CCDC91: variants seen among roughly 807,000 people sequenced by gnomAD.
The protein encoded by CCDC91 is coiled-coil domain containing 91.
Under a neutral mutation model 63.2 loss-of-function variants are expected in CCDC91, and 48 were observed. The observed-to-expected ratio is 0.76, with a 90% CI of 0.60 to 0.97. The LOEUF (loss-of-function observed/expected upper bound fraction) is 0.97. Ranked by LOEUF, CCDC91 falls within the 50% of genes least tolerant of loss-of-function variation. The pLI, the probability that CCDC91 is intolerant of heterozygous loss-of-function variation, is 0.00. For missense variants in CCDC91, 500 were observed against 494.6 expected (o/e 1.01, Z -0.10); for synonymous variants, 167 against 165.8 (o/e 1.01, Z -0.06).
chr12:28,340,980 G>A, intron 6 of CCDC91, among the ~76,000 whole-genome samples: 1 of 152,142 alleles, frequency 6.6e-6, no homozygotes, highest in Non-Finnish European at 1.5e-5. Context: ...AGCCAGAAGG[G>A]AGATGGAGTG....
At chr12:28,539,055 G>T (rs1314713681) in intron 12 of CCDC91, among the ~76,000 whole-genome samples, 2 of 152,084 alleles carry the variant, frequency 1.3e-5, no homozygotes, top group Non-Finnish European at 2.9e-5. Flanking sequence ...CATTCTGTAG[G>T]TTGCCTGTTC....
At chr12:28,235,801 A>AT (rs527486416) in intron 1 of CCDC91, among the ~76,000 whole-genome samples, 50 of 146,176 alleles carry the variant, frequency 3.4e-4, no homozygotes, top group East Asian at 1.2e-3. Flanking sequence ...ATTTATAAGT[A>AT]TTTTTTTTTT....
chr12:28,220,234 G>A (rs1031892238), intron 1 of CCDC91, among the ~76,000 whole-genome samples: 2 of 151,664 alleles, frequency 1.3e-5, no homozygotes, highest in African/African-American at 2.4e-5. Context: ...ATTTTAGACC[G>A]ATTATGGACT....
intron 6 of CCDC91, among the ~76,000 whole-genome samples, chr12:28,351,669 A>C (rs1359144909): frequency 1.4e-5 from 2 of 147,480 alleles, no homozygotes; most frequent in African/African-American, 2.5e-5. Context: ...ACCTCAGGTC[A>C]TTCCTCCTTT....
At chr12:28,513,218 A>G (rs1430158693) in intron 12 of CCDC91, among the ~76,000 whole-genome samples, 2 of 151,936 alleles carry the variant, frequency 1.3e-5, no homozygotes, top group African/African-American at 4.8e-5. Flanking sequence ...TTGAGTATTC[A>G]TAATATTGCT....
intron 1 of CCDC91, among the ~76,000 whole-genome samples, chr12:28,215,549 CTA>C (rs1468456771): frequency 1.3e-5 from 2 of 152,066 alleles, no homozygotes; most frequent in Admixed American, 1.3e-4. Flanking sequence ...ACCACTGTAT[CTA>C]TTAAGAAGAG....
chr12:28,333,454 G>A (rs1230527294), intron 6 of CCDC91, among the ~76,000 whole-genome samples: 1 of 150,262 alleles, frequency 6.7e-6, no homozygotes, highest in East Asian at 1.9e-4. Flanking sequence ...CTTTGTGCAT[G>A]TCCACAAATG....
Position 28,450,224 on chromosome 12 carries a change from G to A in CCDC91, c.826G>A (p.Ala276Thr). The change falls in exon 9 of 13, where the codon GCT becomes ACT. Residue 276 changes from alanine to threonine, a missense_variant. By Grantham distance (58) the Ala-to-Thr change is moderately conservative (BLOSUM62 0). Coordinates refer to ENST00000536442, the MANE Select transcript of CCDC91 (RefSeq NM_018318.5). ...ACTGTTAAAAGAAAAAATAAAGGAA[G>A]CTTTGATTCAGCAATCTCAAGAACA... ...KELLKEKIKEALIQQSQEQKE... is the reference protein window; with the variant it reads ...KELLKEKIKETLIQQSQEQKE... The A allele has an allele frequency of 6.2e-7, 1 of 1,610,080 alleles. No homozygotes were observed. The highest frequency in any genetic ancestry group is 8.5e-7 in the Non-Finnish European group (1 of 1,177,362).
intron 12 of CCDC91, among the ~76,000 whole-genome samples, chr12:28,513,634 A>C (rs1373071069): frequency 7.2e-5 from 11 of 151,878 alleles, no homozygotes; most frequent in Non-Finnish European, 1.3e-4. Context: ...TTGTACTCAT[A>C]TGCATGAAAG....
chr12:28,218,463 T>TAA (rs201289898), intron 1 of CCDC91, among the ~76,000 whole-genome samples: 2 of 95,860 alleles, frequency 2.1e-5, no homozygotes, highest in African/African-American at 3.6e-5. Flanking sequence ...AAGACAAAAT[T>TAA]AAAAAAAAAA....
chr12:28,342,421 T>C (rs1942495456), intron 6 of CCDC91, among the ~76,000 whole-genome samples: 1 of 152,142 alleles, frequency 6.6e-6, no homozygotes, highest in South Asian at 2.1e-4. Flanking sequence ...CAGTGGCCAG[T>C]TGTGGCATAG....
chr12:28,306,365 A>T (rs1250110094), intron 4 of CCDC91, among the ~76,000 whole-genome samples: 1 of 152,088 alleles, frequency 6.6e-6, no homozygotes, highest in Non-Finnish European at 1.5e-5. Flanking sequence ...TAAATTTCAG[A>T]GTTTGATTTA....
chr12:28,307,500 A>G (rs1418642596), intron 5 of CCDC91, 145 bp from the exon 6 acceptor site: 4 of 538,776 alleles, frequency 7.4e-6, no homozygotes, highest in Admixed American at 3.9e-5. Context: ...AGTGAAGCAT[A>G]TAATTTATAA....
At chr12:28,361,048 A>AT (rs1341906276) in intron 6 of CCDC91, among the ~76,000 whole-genome samples, 1 of 151,440 alleles carries the variant, frequency 6.6e-6, no homozygotes, top group Non-Finnish European at 1.5e-5. Context: ...TTATTGATAT[A>AT]TTTTGTAATA....
chr12:28,278,178 G>A (rs1948370401), intron 3 of CCDC91, among the ~76,000 whole-genome samples: 1 of 151,886 alleles, frequency 6.6e-6, no homozygotes, highest in Admixed American at 6.6e-5. Context: ...TTACTGTTTA[G>A]TTTCGTCTGT....
At chr12:28,488,359 T>G (rs1354400286) in intron 12 of CCDC91, among the ~76,000 whole-genome samples, 1 of 151,836 alleles carries the variant, frequency 6.6e-6, no homozygotes, top group Non-Finnish European at 1.5e-5. Context: ...AGATACATAG[T>G]ACTTGTAATA....
intron 6 of CCDC91, among the ~76,000 whole-genome samples, chr12:28,315,021 T>C (rs961423662): frequency 1.3e-5 from 2 of 151,944 alleles, no homozygotes; most frequent in African/African-American, 4.8e-5. Context: ...ATAATAAACA[T>C]TGCCATAATA....
At chr12:28,439,446 T>C (rs1949069152) in intron 8 of CCDC91, among the ~76,000 whole-genome samples, 1 of 152,180 alleles carries the variant, frequency 6.6e-6, no homozygotes, top group Non-Finnish European at 1.5e-5. Flanking sequence ...ACCAGATCAC[T>C]TGATCTTACT....
In CCDC91 at chr12:28,549,286, T is replaced by C. The variant is rs1943190961; in HGVS notation, c.*113T>C. 4.7e-6 allele frequency: 3 copies of C among 642,734 alleles called. No individual in the cohort carries two copies. Among genetic ancestry groups the C allele is most frequent in the Non-Finnish European group, 8.4e-6 (3 of 359,042 alleles). The allele number at this position is 642,734 out of a possible 1,614,324, so 39.8% of individuals were successfully genotyped here. Reference sequence around the variant, plus strand: ...TTCTTTCCAAATCATGTAGAATTGATTTCCAGTTCAAGGATAAACCAAAAC... The same window carrying C: ...TTCTTTCCAAATCATGTAGAATTGACTTCCAGTTCAAGGATAAACCAAAAC... On this transcript the variant is annotated 3_prime_UTR_variant, in exon 13 of 13. Transcript: ENST00000536442.
Sources: gnomAD v4.1 joint callset for allele counts (sites outside exome capture counted in the v4.1 genomes callset) on GRCh38, gnomAD v4.1.1 for gene constraint, MANE v1.5 for transcripts, NCBI Gene and HGNC (gene_info 2026-07-23, HGNC 2026-07-21) for gene names.